The following TNC variants were observed in gnomAD, a reference collection of about 807,000 sequenced individuals.
TNC encodes the protein tenascin C.
TNC carries 109 observed loss-of-function variants against 202.4 expected under a neutral mutation model. That is an observed-to-expected ratio of 0.54 (90% CI 0.46 to 0.63). The LOEUF (loss-of-function observed/expected upper bound fraction) is 0.63. Ranked by LOEUF, TNC falls within the 30% of genes least tolerant of loss-of-function variation. TNC has a pLI of 0.00. For synonymous variants in TNC, 1,007 were observed against 1,089.7 expected (o/e 0.92, Z 1.50); for missense variants, 2,756 against 2,833.3 (o/e 0.97, Z 0.62).
rs755969526 is a variant in TNC, at chr9:115,073,846, G to A, written c.2971C>T (p.Leu991Phe). 6.2e-7 allele frequency: 1 copy of A among 1,611,740 alleles called. No homozygotes were observed. Among genetic ancestry groups the A allele is most frequent in the South Asian group, 1.1e-5 (1 of 91,080 alleles). Residue 991 changes from leucine (L) to phenylalanine (F), a missense_variant, in exon 10 of 28, where the codon CTT (leucine) becomes TTT (phenylalanine). Leu to Phe is a conservative substitution (Grantham distance 22, BLOSUM62 0). Around this residue, in one of 2 missense-constraint regions of TNC, gnomAD observed 2,559 missense variants for 2,546.0 expected, o/e 1.01. Transcript: ENST00000350763. ...GTCTCTGCAGTTTCAGAAACCTGAA[G>A]GTCCTTGGGCGTGTCCAACTCTGGG... ...AATELDTPKD[L>F]QVSETAETSL...
chr9:115,081,211 C>T (rs1834277701), intron 6 of TNC, among the ~76,000 whole-genome samples: 1 of 152,130 alleles, frequency 6.6e-6, no homozygotes, highest in Non-Finnish European at 1.5e-5. Context: ...AATATTTTCC[C>T]TTCCTCTGTC....
intron 22 of TNC, among the ~76,000 whole-genome samples, chr9:115,034,926 T>G (rs1830206072): frequency 6.6e-6 from 1 of 152,174 alleles, no homozygotes; most frequent in Admixed American, 6.5e-5. Flanking sequence ...CAACAAAATA[T>G]TAAAGGATCA....
At chr9:115,035,889 A>T in intron 21 of TNC, 1 of 547,896 alleles carries the variant, frequency 1.8e-6, no homozygotes, top group South Asian at 3.7e-5. Flanking sequence ...CCCCGTGGGG[A>T]GACCAAGGTC....
intron 22 of TNC, among the ~76,000 whole-genome samples, chr9:115,034,118 G>A (rs555706645): frequency 6.6e-6 from 1 of 152,328 alleles, no homozygotes; most frequent in East Asian, 1.9e-4. Context: ...GGTAGGCTGA[G>A]GTTTACTCTC....
intron 26 of TNC, among the ~76,000 whole-genome samples, chr9:115,026,310 G>C (rs1829477009): frequency 6.6e-6 from 1 of 152,106 alleles, no homozygotes; most frequent in African/African-American, 2.4e-5. Flanking sequence ...AATCAATCCT[G>C]ATTGCCCTGA....
intron 18 of TNC, 77 bp downstream of exon 18, chr9:115,042,142 A>G (rs191206257): frequency 1.3e-6 from 2 of 1,544,524 alleles, no homozygotes; most frequent in Admixed American, 4.0e-5. Context: ...AGAGGATGAA[A>G]ATTATCAGGG....
In TNC at chr9:115,029,475, A is replaced by G; in HGVS notation, c.6073-19T>C. On this transcript the variant is annotated intron_variant, in intron 24 of 27. Transcript: ENST00000350763. ...GGAACACCTATAAACATATCGATGAATCTGGGTGTACTTAAGCTATTGCAG... is the reference window on the plus strand; with the variant it reads ...GGAACACCTATAAACATATCGATGAGTCTGGGTGTACTTAAGCTATTGCAG... The G allele has an allele frequency of 6.2e-7, 1 of 1,611,568 alleles. No homozygotes were observed. Among genetic ancestry groups the G allele is most frequent in the South Asian group, 1.1e-5 (1 of 91,022 alleles).
intron 10 of TNC, among the ~76,000 whole-genome samples, chr9:115,072,947 G>A (rs1325492732): frequency 2.0e-5 from 3 of 152,144 alleles, no homozygotes; most frequent in Admixed American, 1.3e-4. Flanking sequence ...ATGGCCTCAG[G>A]TTCAGTGAAC....
chr9:115,052,028 A>G (rs1831713765), intron 15 of TNC, among the ~76,000 whole-genome samples: 1 of 149,798 alleles, frequency 6.7e-6, no homozygotes, highest in African/African-American at 2.5e-5. Context: ...TGGTGTATAG[A>G]TAGATCATAT....
intron 3 of TNC, 54 bp downstream of exon 3, chr9:115,085,810 T>C (rs954414619): frequency 9.3e-6 from 14 of 1,506,404 alleles, no homozygotes; most frequent in Non-Finnish European, 1.3e-5. Context: ...CAACCCATAC[T>C]AGGAGTCCAC....
chr9:115,060,346 G>A (rs934550821), intron 13 of TNC, among the ~76,000 whole-genome samples: 4 of 152,164 alleles, frequency 2.6e-5, no homozygotes, highest in Non-Finnish European at 5.9e-5. Flanking sequence ...ATGGTTACAA[G>A]TGCAGAATTT....
Position 115,030,245 on chromosome 9 carries a change from G to T in TNC, c.6072+9C>A. 1 of 1,604,270 alleles carries T rather than the reference G, an allele frequency of 6.2e-7. No homozygotes were observed. Among genetic ancestry groups the T allele is most frequent in the Non-Finnish European group, 8.5e-7 (1 of 1,172,464 alleles). Reference sequence around the variant, plus strand: ...GCCTGAGGGCTCTGCAGTCCCTGGTGGTACTCACAATCCATCCACCCCCAT... The same window carrying T: ...GCCTGAGGGCTCTGCAGTCCCTGGTTGTACTCACAATCCATCCACCCCCAT... On this transcript the variant is annotated intron_variant, in intron 24 of 27. Transcript: ENST00000350763.
At position 115,059,950 on chromosome 9, in the gene TNC, G is replaced by A; in HGVS notation, c.4086C>T (p.Gly1362=). The A allele has an allele frequency of 6.2e-7, 1 of 1,614,054 alleles. No homozygotes were observed. Residue 1362 remains glycine, a synonymous_variant, in exon 14 of 28, where the codon GGC becomes GGT. Coordinates refer to ENST00000350763, the MANE Select transcript of TNC (RefSeq NM_002160.4). Reference sequence around the variant, plus strand: ...CAGCTGCGGTCCAGTTGAGTCTGAGGCCATCCCAGCCAACCTCAGACACGG... The same window carrying A: ...CAGCTGCGGTCCAGTTGAGTCTGAGACCATCCCAGCCAACCTCAGACACGG... ...DLAVSEVGWD[G]LRLNWTAADN... is the part of the protein sequence containing the mutation.
Position 115,081,805 on chromosome 9 carries a change from G to A in TNC, c.2371C>T (p.Arg791Trp), listed in dbSNP as rs768121513. Residue 791 changes from arginine to tryptophan, a missense_variant, in exon 6 of 28, where the codon CGG becomes TGG. Arg to Trp is a moderately radical substitution (Grantham distance 101). Coordinates refer to ENST00000350763, the MANE Select transcript of TNC (RefSeq NM_002160.4). ...ISLHIVKNNT[R>W]GPGLKRVTTT... is the part of the protein sequence containing the mutation. Reference sequence around the variant, plus strand: ...GTCACCCTCTTCAGGCCAGGGCCCCGGGTATTGTTTTTCACTATGTGCAGA... The same window carrying A: ...GTCACCCTCTTCAGGCCAGGGCCCCAGGTATTGTTTTTCACTATGTGCAGA... The A allele has an allele frequency of 3.5e-5, 56 of 1,613,470 alleles. No individual in the cohort carries two copies. Among genetic ancestry groups the A allele is most frequent in the Non-Finnish European group, 3.2e-5 (38 of 1,179,864 alleles).
At chr9:115,110,708 T>C (rs1836974807) in intron 1 of TNC, among the ~76,000 whole-genome samples, 1 of 152,204 alleles carries the variant, frequency 6.6e-6, no homozygotes, top group Non-Finnish European at 1.5e-5. Flanking sequence ...TGTCTTGCTT[T>C]AGAATAAAAT....
intron 12 of TNC, among the ~76,000 whole-genome samples, chr9:115,063,517 C>CGAAA (rs1277353201): frequency 6.6e-6 from 1 of 152,124 alleles, no homozygotes; most frequent in Non-Finnish European, 1.5e-5. Flanking sequence ...ACAGGTTGGG[C>CGAAA]TTTCCAACTT....
At chr9:115,096,220 C>T (rs1360563370) in intron 1 of TNC, among the ~76,000 whole-genome samples, 1 of 152,114 alleles carries the variant, frequency 6.6e-6, no homozygotes, top group Non-Finnish European at 1.5e-5. Flanking sequence ...AAAAACTTCC[C>T]CGTGAGATAG....
At chr9:115,110,571 A>C (rs963666118) in intron 1 of TNC, among the ~76,000 whole-genome samples, 1 of 152,214 alleles carries the variant, frequency 6.6e-6, no homozygotes, top group Non-Finnish European at 1.5e-5. Context: ...TAGAGACTAC[A>C]ACATTTTGTG....
At chr9:115,022,180 C>T (rs1829124529) in intron 27 of TNC, among the ~76,000 whole-genome samples, 1 of 152,196 alleles carries the variant, frequency 6.6e-6, no homozygotes, top group Non-Finnish European at 1.5e-5. Context: ...ACTTTATTTG[C>T]TTCTAATTGT....
Sources: gnomAD v4.1 joint callset for allele counts (sites outside exome capture counted in the v4.1 genomes callset) on GRCh38, gnomAD v4.1.1 for gene constraint, gnomAD v4.1.1 regional missense constraint, MANE v1.5 for transcripts, NCBI Gene and HGNC (gene_info 2026-07-23, HGNC 2026-07-21) for gene names.